The following CHSY3 variants were observed in gnomAD, a reference collection of about 807,000 sequenced individuals.
CHSY3 encodes chondroitin sulfate synthase 3, also known as N-acetylgalactosaminyl-proteoglycan 3-beta-glucuronosyltransferase 3.
In CHSY3, 35 loss-of-function variants were observed where a neutral mutation model predicts 67.2. The ratio of observed to expected loss-of-function variants is 0.52; its 90% CI spans 0.40 to 0.69. The LOEUF is 0.69. Ranked by LOEUF, CHSY3 falls within the 30% of genes least tolerant of loss-of-function variation. The probability of loss-of-function intolerance (pLI) is 0.00; values close to 1 mark genes in which losing one functional copy is unlikely to be tolerated. For missense variants in CHSY3, 1,069 were observed against 1,138.5 expected, an observed-to-expected ratio of 0.94 and a Z score of 0.88; for synonymous variants, 474 against 434.7, an observed-to-expected ratio of 1.09 and a Z score of -1.12.
intron 2 of CHSY3, among the ~76,000 whole-genome samples, chr5:129,983,208 TA>T (rs1327301792): frequency 2.6e-5 from 4 of 152,096 alleles, no homozygotes; most frequent in African/African-American, 9.6e-5. Context: ...TCTCTTCATT[TA>T]TCAACCCAAT....
Position 129,905,202 on chromosome 5 carries a change from C to T in CHSY3, c.373C>T (p.Pro125Ser). Residue 125 changes from proline to serine, a missense_variant, in exon 1 of 3, where the codon CCC (proline) becomes TCC (serine). By Grantham distance (74) the Pro-to-Ser change is moderately conservative. Coordinates refer to ENST00000305031, the MANE Select transcript of CHSY3 (RefSeq NM_175856.5). ...GREPEGATGL[P>S]GAPAAEGEPE... is the part of the protein sequence containing the mutation. ...CGAGCCTGAGGGCGCGACGGGGCTT[C>T]CCGGTGCTCCAGCGGCCGAGGGGGA... 6.6e-7 allele frequency: 1 copy of T among 1,515,664 alleles called. No individual in the cohort carries two copies. The highest frequency in any genetic ancestry group is 8.8e-7 in the Non-Finnish European group (1 of 1,138,444). 93.9% of individuals were successfully genotyped at this position (1,515,664 alleles called of 1,614,324 possible).
Position 130,184,745 on chromosome 5 carries a change from G to A in CHSY3, c.1603G>A (p.Val535Met), listed in dbSNP as rs368170459. The A allele has an allele frequency of 2.5e-6, 4 of 1,601,870 alleles. No individual in the cohort carries two copies. The African/African-American group carries it at 5.4e-5, about 21-fold the overall frequency. ...CCGCAGAGTTAACCCCATGCACGGG[G>A]TGGAGTACATTTTGGATTTACTCCT... ...GYRRVNPMHG[V>M]EYILDLLLLY... Residue 535 changes from valine to methionine, a missense_variant, in exon 3 of 3, where the codon GTG becomes ATG. By Grantham distance (21) the Val-to-Met change is conservative (BLOSUM62 1). This residue lies in a region of CHSY3 where 401 missense variants were observed against 395.2 expected (regional missense o/e 1.01). Coordinates refer to ENST00000305031, the MANE Select transcript of CHSY3 (RefSeq NM_175856.5).
chr5:130,138,586 T>C (rs1768749399), intron 2 of CHSY3, among the ~76,000 whole-genome samples: 1 of 152,222 alleles, frequency 6.6e-6, no homozygotes, highest in Non-Finnish European at 1.5e-5. Context: ...GACTGCTGAA[T>C]TTTTAGCCTA....
At chr5:130,176,627 A>C (rs906102005) in intron 2 of CHSY3, among the ~76,000 whole-genome samples, 1 of 152,238 alleles carries the variant, frequency 6.6e-6, no homozygotes, top group African/African-American at 2.4e-5. Context: ...GATAAAGAAA[A>C]TGTCACACAT....
intron 2 of CHSY3, among the ~76,000 whole-genome samples, chr5:130,025,620 G>T (rs530301485): frequency 9.9e-4 from 151 of 152,218 alleles, no homozygotes; most frequent in African/African-American, 3.6e-3. Flanking sequence ...AGAAGTCCCA[G>T]ATCAAGGCAC....
chr5:129,997,111 T>A (rs1459312274), intron 2 of CHSY3, among the ~76,000 whole-genome samples: 2 of 125,472 alleles, frequency 1.6e-5, no homozygotes, highest in Admixed American at 1.7e-4. Context: ...CTCAGATGAT[T>A]CAAAGCATTT....
chr5:129,980,871 A>T (rs756531126), intron 2 of CHSY3, among the ~76,000 whole-genome samples: 1 of 151,944 alleles, frequency 6.6e-6, no homozygotes, highest in African/African-American at 2.4e-5. Flanking sequence ...TGTTGAAAAA[A>T]CCATAAAACC....
intron 2 of CHSY3, among the ~76,000 whole-genome samples, chr5:129,948,966 A>G (rs1235954958): frequency 2.0e-5 from 3 of 152,140 alleles, no homozygotes; most frequent in Admixed American, 1.3e-4. Context: ...GCTAGTTTAC[A>G]TTCCCACCCG....
At chr5:130,153,714 TC>T (rs1769294145) in intron 2 of CHSY3, among the ~76,000 whole-genome samples, 1 of 152,180 alleles carries the variant, frequency 6.6e-6, no homozygotes, top group Non-Finnish European at 1.5e-5. Context: ...CTGCCAAGCC[TC>T]TGTTGGGTCA....
intron 2 of CHSY3, among the ~76,000 whole-genome samples, chr5:130,143,125 C>G (rs1768920421): frequency 6.6e-6 from 1 of 152,090 alleles, no homozygotes; most frequent in South Asian, 2.1e-4. Flanking sequence ...AACAGACAAA[C>G]TTTTTTGTGT....
At chr5:129,930,809 G>A (rs1271774243) in intron 2 of CHSY3, among the ~76,000 whole-genome samples, 1 of 152,068 alleles carries the variant, frequency 6.6e-6, no homozygotes, top group Non-Finnish European at 1.5e-5. Flanking sequence ...GTATGAAGGA[G>A]AATACTCTCC....
intron 2 of CHSY3, among the ~76,000 whole-genome samples, chr5:130,003,432 A>C (rs552861274): frequency 6.6e-6 from 1 of 152,210 alleles, no homozygotes; most frequent in Non-Finnish European, 1.5e-5. Flanking sequence ...CTAATTTGAA[A>C]ATAAAAAATA....
intron 2 of CHSY3, among the ~76,000 whole-genome samples, chr5:129,938,277 C>A (rs1437477621): frequency 1.3e-5 from 2 of 152,222 alleles, no homozygotes; most frequent in South Asian, 4.1e-4. Context: ...CCGCCCTGGG[C>A]CTCCAGGCCT....
intron 2 of CHSY3, among the ~76,000 whole-genome samples, chr5:130,105,367 A>C (rs1767381778): frequency 1.3e-5 from 2 of 151,706 alleles, no homozygotes; most frequent in African/African-American, 4.8e-5. Flanking sequence ...AAAGATCGCT[A>C]TTCATTTAAT....
chr5:130,002,683 A>G (rs1763763564), intron 2 of CHSY3, among the ~76,000 whole-genome samples: 1 of 152,224 alleles, frequency 6.6e-6, no homozygotes, highest in African/African-American at 2.4e-5. Context: ...TAACTATTTG[A>G]GATGATGTCT....
In CHSY3 at chr5:130,107,143, C is replaced by G. The variant is rs1004658585; in HGVS notation, c.1087-77086C>G. Among the ~76,000 whole-genome samples, 5 of 151,240 alleles carry G rather than the reference C, an allele frequency of 3.3e-5. No homozygotes were observed. The East Asian group carries it at 9.7e-4, about 29-fold the overall frequency. On this transcript the variant is annotated intron_variant, in intron 2 of 2. Transcript: ENST00000305031. ...GATAATAATTGCTTCAGTTAATGTG[C>G]TTTTCAAAGCAAAATGATTCTTGCT...
intron 2 of CHSY3, among the ~76,000 whole-genome samples, chr5:130,143,960 G>A (rs1307173969): frequency 6.7e-6 from 1 of 150,074 alleles, no homozygotes; most frequent in Non-Finnish European, 1.5e-5. Context: ...TCAGGAAAAA[G>A]TAAATATTAA....
chr5:130,085,786 T>A (rs1766596938), intron 2 of CHSY3, among the ~76,000 whole-genome samples: 1 of 152,156 alleles, frequency 6.6e-6, no homozygotes, highest in South Asian at 2.1e-4. Context: ...TTTGAATGTG[T>A]CCCAGAGATT....
At chr5:130,140,817 C>T (rs1768840003) in intron 2 of CHSY3, 1 of 239,672 alleles carries the variant, frequency 4.2e-6, no homozygotes, top group Admixed American at 6.1e-5. Context: ...TGCCTCCATA[C>T]TTCTTGTGAA....
Sources: allele counts gnomAD v4.1 joint callset (sites outside exome capture counted in the v4.1 genomes callset), GRCh38; gene constraint gnomAD v4.1.1; regional missense constraint gnomAD v4.1.1; transcripts MANE v1.5; gene names NCBI Gene and HGNC (gene_info 2026-07-23, HGNC 2026-07-21).